The following NRXN1 variants were observed in gnomAD, a reference collection of about 807,000 sequenced individuals.
NRXN1 encodes the protein neurexin 1.
A neutral mutation model predicts 150.9 loss-of-function variants in NRXN1; 39 were observed. The observed-to-expected ratio is 0.26, with a 90% confidence interval of 0.20 to 0.34. NRXN1 has a LOEUF of 0.34. NRXN1 is among the 10% of genes least tolerant of loss of function. The pLI, the probability that NRXN1 is intolerant of heterozygous loss-of-function variation, is 1.00. For synonymous variants in NRXN1, 924 were observed against 757.0 expected (o/e 1.22, Z -3.62); for missense variants, 1,815 against 1,949.9 (o/e 0.93, Z 1.30).
chr2:50,084,825 A>T (rs1698558332), intron 19 of NRXN1, among the ~76,000 whole-genome samples: 1 of 152,206 alleles, frequency 6.6e-6, no homozygotes, highest in African/African-American at 2.4e-5. Flanking sequence ...ATAAAGTAAG[A>T]ACAAGTGAGA....
intron 5 of NRXN1, among the ~76,000 whole-genome samples, chr2:50,887,517 A>T (rs983054917): frequency 6.6e-6 from 1 of 151,420 alleles, no homozygotes; most frequent in Non-Finnish European, 1.5e-5. Context: ...AAGCTTTGAG[A>T]AAATGGCTCC....
At chr2:50,488,899 G>A (rs1375021000) in intron 15 of NRXN1, among the ~76,000 whole-genome samples, 2 of 152,200 alleles carry the variant, frequency 1.3e-5, no homozygotes, top group East Asian at 3.9e-4. Flanking sequence ...ATTCCCTAAA[G>A]AGGGACCTGC....
rs75233134 is a variant in NRXN1 at position 50,390,014 on chromosome 2, C to T, written c.3364+75428G>A. On this transcript the variant is annotated intron_variant, in intron 17 of 22. Transcript: ENST00000401669. ...TTATACCAAGTTAGGCAATGAAATG[C>T]CTACATCTTATACTTGATTTTATAT... Among the ~76,000 whole-genome samples, 512 of 152,212 alleles carry T rather than the reference C, an allele frequency of 3.4e-3. 2 individuals are homozygous for T. Among genetic ancestry groups the T allele is most frequent in the Non-Finnish European group, 5.2e-3 (354 of 67,998 alleles).
At position 51,001,693 on chromosome 2, in the gene NRXN1, A is replaced by G. The variant is rs543773398; in HGVS notation, c.772+25809T>C. Among the ~76,000 whole-genome samples, 19 of 152,148 alleles carry G rather than the reference A, an allele frequency of 1.2e-4. No individual in the cohort carries two copies. In the East Asian group the frequency reaches 3.1e-3, roughly 25 times the overall value. On this transcript the variant is annotated intron_variant, in intron 2 of 22. Transcript: ENST00000401669. ...AATTCACGCTATTTTAAAAAATATC[A>G]GCAACTGTCTCATTTCATTCTTGAT... is the stretch of plus-strand genomic sequence containing the variant.
chr2:50,399,216 A>T (rs747954580), intron 17 of NRXN1, among the ~76,000 whole-genome samples: 3 of 152,148 alleles, frequency 2.0e-5, no homozygotes, highest in African/African-American at 4.8e-5. Flanking sequence ...AATATTGCAT[A>T]AAACCTGGTT....
At chr2:50,086,227 A>G (rs957654897) in intron 19 of NRXN1, among the ~76,000 whole-genome samples, 8 of 152,206 alleles carry the variant, frequency 5.3e-5, no homozygotes, top group African/African-American at 1.9e-4. Context: ...TGCAATCTCT[A>G]AATAATAGAG....
At chr2:50,728,237 A>G (rs2105178741) in intron 5 of NRXN1, among the ~76,000 whole-genome samples, 1 of 152,230 alleles carries the variant, frequency 6.6e-6, no homozygotes. Flanking sequence ...GAGCCTGAAA[A>G]TTTGGCCTAC....
chr2:50,540,369 C>T (rs552744423), intron 9 of NRXN1, among the ~76,000 whole-genome samples: 1 of 152,130 alleles, frequency 6.6e-6, no homozygotes, highest in Non-Finnish European at 1.5e-5. Flanking sequence ...AAATATAAAG[C>T]ATGGCATTTT....
At chr2:50,258,943 T>A (rs553492542) in intron 17 of NRXN1, among the ~76,000 whole-genome samples, 340 of 152,186 alleles carry the variant, frequency 2.2e-3, no homozygotes, top group African/African-American at 7.7e-3. Context: ...CTCAAAGTGT[T>A]CAGTAAATCA....
intron 18 of NRXN1, among the ~76,000 whole-genome samples, chr2:50,094,561 AAGG>A (rs2152701990): frequency 6.6e-6 from 1 of 152,240 alleles, no homozygotes; most frequent in East Asian, 1.9e-4. Flanking sequence ...AGAAATCTTC[AAGG>A]GAAGAGACTG....
At chr2:50,913,981 T>G (rs553992207) in intron 5 of NRXN1, among the ~76,000 whole-genome samples, 3 of 151,784 alleles carry the variant, frequency 2.0e-5, no homozygotes, top group African/African-American at 7.2e-5. Flanking sequence ...ACAGTAATAA[T>G]GACTACGATT....
intron 17 of NRXN1, chr2:50,417,240 A>G (rs541041888): frequency 6.6e-6 from 1 of 152,264 alleles, no homozygotes; most frequent in African/African-American, 2.4e-5. Context: ...GAAAAGGAAG[A>G]CAGTGTGCTC....
At position 50,133,668 on chromosome 2, in the gene NRXN1, G is replaced by A. The variant is rs72878172; in HGVS notation, c.3547-42174C>T. ...GGGAGAAGAAAAACTTCTATGCTTG[G>A]CCAGGTAAAGGCAAGCTTTCTCTAG... On this transcript the variant is annotated intron_variant, in intron 18 of 22. Coordinates refer to ENST00000401669, the MANE Select transcript of NRXN1 (RefSeq NM_001330078.2). 1.3e-3 allele frequency among the ~76,000 whole-genome samples: 204 copies of A among 152,260 alleles called. 1 individual carries two copies. The highest frequency in any genetic ancestry group is 4.4e-3 in the African/African-American group (183 of 41,552).
At chr2:50,865,880 C>T (rs1266126860) in intron 5 of NRXN1, among the ~76,000 whole-genome samples, 1 of 150,936 alleles carries the variant, frequency 6.6e-6, no homozygotes, top group African/African-American at 2.4e-5. Flanking sequence ...GGGGATCTTA[C>T]AGAATCCCAA....
chr2:50,784,096 T>C (rs939515546), intron 5 of NRXN1, among the ~76,000 whole-genome samples: 14 of 152,078 alleles, frequency 9.2e-5, no homozygotes, highest in African/African-American at 3.4e-4. Context: ...TATATCTGAG[T>C]ATATGTGTGA....
intron 2 of NRXN1, among the ~76,000 whole-genome samples, chr2:50,946,527 T>C (rs1363342506): frequency 6.6e-6 from 1 of 152,134 alleles, no homozygotes; most frequent in East Asian, 1.9e-4. Flanking sequence ...TCTTTCACTC[T>C]GGGTGTGAGA....
intron 15 of NRXN1, among the ~76,000 whole-genome samples, chr2:50,480,362 T>C (rs2090371246): frequency 6.6e-6 from 1 of 152,168 alleles, no homozygotes; most frequent in Non-Finnish European, 1.5e-5. Flanking sequence ...AATTTGAGCC[T>C]ATCCTGGCCT....
chr2:50,467,387 GA>G lies in NRXN1; in HGVS notation c.3245-1827del, dbSNP rs146947625. On this transcript the variant is annotated intron_variant, in intron 16 of 22. Coordinates refer to ENST00000401669, the MANE Select transcript of NRXN1 (RefSeq NM_001330078.2). ...TAAACATATAGGTTTTATAAAAATAGAAAAAAAGACAACAGCTAATTAGATG... is the reference window on the plus strand; with the variant it reads ...TAAACATATAGGTTTTATAAAAATAGAAAAAAGACAACAGCTAATTAGATG... Among the ~76,000 whole-genome samples, 677 of 151,370 alleles carry G rather than the reference GA, an allele frequency of 4.5e-3. 25 individuals carry two copies. In the East Asian group the frequency reaches 0.078, roughly 17 times the overall value.
At chr2:50,706,354 A>T (rs182489756) in intron 5 of NRXN1, among the ~76,000 whole-genome samples, 2 of 152,304 alleles carry the variant, frequency 1.3e-5, no homozygotes, top group Non-Finnish European at 1.5e-5. Flanking sequence ...CACATCACGC[A>T]TGAGATACAT....
Sources: allele counts gnomAD v4.1 joint callset (sites outside exome capture counted in the v4.1 genomes callset), GRCh38; gene constraint gnomAD v4.1.1; transcripts MANE v1.5; gene names NCBI Gene and HGNC (gene_info 2026-07-23, HGNC 2026-07-21).